The following EYS variants were observed in gnomAD, a reference collection of about 807,000 sequenced individuals.
The protein encoded by EYS is protein eyes shut homolog.
Under a neutral mutation model 282.1 loss-of-function variants are expected in EYS, and 250 were observed. The ratio of observed to expected loss-of-function variants is 0.89; its 90% CI spans 0.80 to 0.98. The LOEUF is 0.98. EYS is among the 50% of genes least tolerant of loss of function. EYS has a pLI of 0.00. For missense variants in EYS, 4,016 were observed against 3,709.0 expected, an observed-to-expected ratio of 1.08 and a Z score of -2.15; for synonymous variants, 1,355 against 1,282.9, an observed-to-expected ratio of 1.06 and a Z score of -1.20.
chr6:65,423,169 G>T (rs1767530252), intron 5 of EYS, among the ~76,000 whole-genome samples: 1 of 151,712 alleles, frequency 6.6e-6, no homozygotes, highest in African/African-American at 2.4e-5. Context: ...ATTCAGATTG[G>T]TTTTTATCGT....
At chr6:63,953,579 G>A (rs766634566) in intron 35 of EYS, among the ~76,000 whole-genome samples, 1 of 152,084 alleles carries the variant, frequency 6.6e-6, no homozygotes, top group Non-Finnish European at 1.5e-5. Flanking sequence ...TTTCCTTCCT[G>A]GACATGGTTA....
At chr6:63,904,408 C>T (rs1488752308) in intron 35 of EYS, among the ~76,000 whole-genome samples, 13 of 152,104 alleles carry the variant, frequency 8.5e-5, no homozygotes, top group African/African-American at 1.4e-4. Flanking sequence ...TATCCATGCC[C>T]GATAGCTCCC....
chr6:64,102,131 C>A (rs560737699), intron 31 of EYS, among the ~76,000 whole-genome samples: 1 of 152,070 alleles, frequency 6.6e-6, no homozygotes, highest in South Asian at 2.1e-4. Flanking sequence ...GTGCTAGGAA[C>A]CCCTGGTCTA....
intron 12 of EYS, among the ~76,000 whole-genome samples, chr6:65,258,320 TC>T (rs1212806309): frequency 6.6e-6 from 1 of 152,020 alleles, no homozygotes; most frequent in East Asian, 1.9e-4. Context: ...AGCAGCACTT[TC>T]CATTCAAAGT....
intron 29 of EYS, among the ~76,000 whole-genome samples, chr6:64,372,139 T>G (rs1333568004): frequency 8.2e-5 from 2 of 24,244 alleles, no homozygotes; most frequent in South Asian, 2.1e-3. Flanking sequence ...TGTTTTTTTT[T>G]TTTTTTTTTT....
At chr6:63,950,795 T>C (rs1765560075) in intron 35 of EYS, among the ~76,000 whole-genome samples, 2 of 152,168 alleles carry the variant, frequency 1.3e-5, no homozygotes. Flanking sequence ...AACCTCTTTC[T>C]CCTTTCAATC....
intron 13 of EYS, among the ~76,000 whole-genome samples, chr6:65,014,994 G>A (rs546030118): frequency 1.5e-4 from 23 of 152,230 alleles, no homozygotes; most frequent in Non-Finnish European, 2.6e-4. Context: ...GAAGATGAAA[G>A]CTGGAGTTTG....
intron 12 of EYS, among the ~76,000 whole-genome samples, chr6:65,084,939 TA>T (rs1443365211): frequency 2.6e-5 from 4 of 152,124 alleles, no homozygotes; most frequent in Non-Finnish European, 5.9e-5. Flanking sequence ...TCCTGCTGTC[TA>T]AATCTCAGGC....
chr6:63,845,312 T>C (rs1223140996), intron 36 of EYS, among the ~76,000 whole-genome samples: 2 of 152,188 alleles, frequency 1.3e-5, no homozygotes, highest in African/African-American at 2.4e-5. Context: ...GTTCTCAAAG[T>C]ATAGAGCCTT....
intron 5 of EYS, among the ~76,000 whole-genome samples, chr6:65,477,447 C>G (rs1023601534): frequency 1.3e-5 from 2 of 152,110 alleles, no homozygotes; most frequent in African/African-American, 4.8e-5. Flanking sequence ...GGAAAAACGT[C>G]AGTCATTTTT....
At chr6:64,059,829 T>C (rs1196844772) in intron 33 of EYS, among the ~76,000 whole-genome samples, 1 of 152,182 alleles carries the variant, frequency 6.6e-6, no homozygotes, top group African/African-American at 2.4e-5. Context: ...TGGATAAAGG[T>C]GCAAGAGTAA....
intron 2 of EYS, among the ~76,000 whole-genome samples, chr6:65,554,934 T>C (rs1465311649): frequency 6.6e-6 from 1 of 152,114 alleles, no homozygotes; most frequent in Non-Finnish European, 1.5e-5. Flanking sequence ...ATTTGCACAA[T>C]TATGCATTCA....
At chr6:65,530,756 C>A (rs976339428) in intron 2 of EYS, among the ~76,000 whole-genome samples, 4 of 152,066 alleles carry the variant, frequency 2.6e-5, no homozygotes, top group Non-Finnish European at 5.9e-5. Flanking sequence ...ACATATATTT[C>A]CACTGAATTT....
At chr6:65,354,059 T>A (rs1273533062) in intron 8 of EYS, among the ~76,000 whole-genome samples, 9 of 152,144 alleles carry the variant, frequency 5.9e-5, no homozygotes, top group Non-Finnish European at 4.4e-5. Context: ...GGGCATATTG[T>A]CTAATAATAT....
chr6:64,295,750 G>C (rs1365469305), intron 30 of EYS, among the ~76,000 whole-genome samples: 3 of 150,266 alleles, frequency 2.0e-5, no homozygotes, highest in East Asian at 4.0e-4. Flanking sequence ...AAAGAAAATG[G>C]GTCTGCCACT....
rs1767362285 is a variant in EYS at position 64,618,992 on chromosome 6, T to G, written c.3569-1459A>C. On this transcript the variant is annotated intron_variant, in intron 23 of 42. Transcript: ENST00000503581. ...TATAAAATTCGAATGCATATGAAAC[T>G]TAGTAACATTGCTTAGAGATGCATA... is the stretch of plus-strand genomic sequence containing the variant. Among the ~76,000 whole-genome samples the G allele has an allele frequency of 2.0e-5, 3 of 152,158 alleles. No individual in the cohort carries two copies. In the South Asian group the frequency reaches 6.2e-4, roughly 31 times the overall value.
chr6:64,993,303 T>C (rs1289547848), intron 14 of EYS, among the ~76,000 whole-genome samples: 1 of 151,860 alleles, frequency 6.6e-6, no homozygotes, highest in African/African-American at 2.4e-5. Context: ...CATGTGTCTT[T>C]ATAGCAGCAT....
intron 31 of EYS, among the ~76,000 whole-genome samples, chr6:64,177,468 ATTAG>A (rs1223921609): frequency 4.6e-5 from 7 of 151,926 alleles, no homozygotes; most frequent in South Asian, 2.1e-4. Context: ...TATTCTTCTA[ATTAG>A]TTCTCCCTTT....
chr6:65,449,277 T>C (rs567824821), intron 5 of EYS, among the ~76,000 whole-genome samples: 4 of 152,208 alleles, frequency 2.6e-5, no homozygotes, highest in African/African-American at 9.6e-5. Context: ...CAGCTGCCTA[T>C]AGCATAGACG....
Sources: allele counts gnomAD v4.1 joint callset (sites outside exome capture counted in the v4.1 genomes callset), GRCh38; gene constraint gnomAD v4.1.1; transcripts MANE v1.5; gene names NCBI Gene and HGNC (gene_info 2026-07-23, HGNC 2026-07-21).